Variants in GART observed in about 807,000 individuals in gnomAD.
The protein encoded by GART is phosphoribosylglycinamide formyltransferase, phosphoribosylglycinamide synthetase, phosphoribosylaminoimidazole synthetase.
Under a neutral mutation model 107.2 loss-of-function variants are expected in GART, and 43 were observed. The observed-to-expected ratio is 0.40, with a 90% CI of 0.31 to 0.52. The LOEUF (loss-of-function observed/expected upper bound fraction) is 0.52. GART is among the 20% of genes least tolerant of loss of function. The pLI, the probability that GART is intolerant of heterozygous loss-of-function variation, is 0.52. For synonymous variants in GART, 434 were observed against 427.0 expected, an observed-to-expected ratio of 1.02 and a Z score of -0.20; for missense variants, 1,107 against 1,206.5, an observed-to-expected ratio of 0.92 and a Z score of 1.22.
At chr21:33,515,992 A>G (rs1440342742) in intron 16 of GART, among the ~76,000 whole-genome samples, 2 of 152,098 alleles carry the variant, frequency 1.3e-5, no homozygotes, top group African/African-American at 2.4e-5. Flanking sequence ...TCATGCCTGT[A>G]ATCCCAGTAC....
intron 14 of GART, chr21:33,518,918 A>T (rs2084922858): frequency 6.0e-6 from 3 of 500,016 alleles, no homozygotes; most frequent in Non-Finnish European, 7.8e-6. Context: ...GCCCCAGAGA[A>T]ATGCTACCAG....
rs527760350 is a variant in GART at position 33,505,677 on chromosome 21, T to C, written c.2609A>G (p.Asn870Ser). 1.5e-4 allele frequency: 248 copies of C among 1,608,028 alleles called. 1 individual carries two copies. The highest frequency in any genetic ancestry group is 5.8e-4 in the South Asian group (52 of 89,736). ...TRVINHKLYKNRVEFDSAIDL... is the reference protein window; with the variant it reads ...TRVINHKLYKSRVEFDSAIDL... ...AATTGCACTGTCAAATTCTACACGA[T>C]TTTTATACAGTTTATGATTAATTAC... is the stretch of plus-strand genomic sequence containing the variant. The change falls in exon 20 of 22, where the codon AAT becomes AGT. Residue 870 changes from asparagine to serine, a missense_variant. Asn to Ser is a conservative substitution (Grantham distance 46, BLOSUM62 1). Coordinates refer to ENST00000381815, the MANE Select transcript of GART (RefSeq NM_000819.5).
rs1336134930 is a variant in GART, at chr21:33,539,346, GA to G, written c.-32del. On this transcript the variant is annotated 5_prime_UTR_variant, in exon 2 of 22. Transcript: ENST00000381815. ...TGTCTGTAAAGCAGAAATTCCAAAGGAAAATGAAACCTGCAGAAAGAAAACC... is the reference window on the plus strand; with the variant it reads ...TGTCTGTAAAGCAGAAATTCCAAAGGAAATGAAACCTGCAGAAAGAAAACC... 1.3e-6 allele frequency: 2 copies of G among 1,588,814 alleles called. No individual in the cohort carries two copies. Among genetic ancestry groups the G allele is most frequent in the Non-Finnish European group, 1.7e-6 (2 of 1,172,320 alleles).
chr21:33,519,853 G>A (rs1337783508), intron 14 of GART, among the ~76,000 whole-genome samples: 1 of 149,520 alleles, frequency 6.7e-6, no homozygotes, highest in Non-Finnish European at 1.5e-5. Flanking sequence ...AAAAAAAGAG[G>A]TTATTTTGTT....
intron 4 of GART, among the ~76,000 whole-genome samples, chr21:33,534,373 C>T (rs576888483): frequency 2.6e-5 from 4 of 151,900 alleles, no homozygotes; most frequent in East Asian, 3.9e-4. Flanking sequence ...CCATCATGCC[C>T]GGCTTTTTTT....
intron 2 of GART, 29 bp downstream of exon 2, chr21:33,539,142 T>C (rs1176278465): frequency 1.6e-5 from 25 of 1,597,084 alleles, no homozygotes; most frequent in Non-Finnish European, 2.1e-5. Context: ...AAATAATAAC[T>C]ATTACTCCCC....
intron 18 of GART, 77 bp from the exon 19 acceptor site, chr21:33,506,181 C>T (rs1478811702): frequency 1.5e-5 from 22 of 1,512,656 alleles, no homozygotes; most frequent in African/African-American, 1.1e-4. Flanking sequence ...CTCACTCTGT[C>T]GCCCAGGCTA....
intron 16 of GART, 51 bp from the exon 17 acceptor site, chr21:33,511,509 G>T: frequency 1.3e-6 from 2 of 1,525,388 alleles, no homozygotes; most frequent in Non-Finnish European, 1.8e-6. Context: ...CTCACACAAA[G>T]TACAAAAGTA....
At chr21:33,520,106 G>C (rs2084943127) in intron 14 of GART, among the ~76,000 whole-genome samples, 1 of 152,092 alleles carries the variant, frequency 6.6e-6, no homozygotes, top group African/African-American at 2.4e-5. Flanking sequence ...GCCAAAAATT[G>C]GGAAGAAAGA....
In GART at chr21:33,539,312, C is replaced by A. The variant is rs779778815; in HGVS notation, c.4G>T (p.Ala2Ser). The A allele has an allele frequency of 1.2e-6, 2 of 1,608,928 alleles. No homozygotes were observed. Among genetic ancestry groups the A allele is most frequent in the South Asian group, 1.1e-5 (1 of 90,084 alleles). The change falls in exon 2 of 22, where the codon GCA (alanine) becomes TCA (serine). Residue 2 changes from alanine to serine, a missense_variant. Coordinates refer to ENST00000381815, the MANE Select transcript of GART (RefSeq NM_000819.5). The part of the protein sequence containing the change: M[A>S]ARVLIIGSGG... ...CTGCCAATTATAAGTACTCGGGCTG[C>A]CATTGTTCTGTCTGTAAAGCAGAAA...
chr21:33,538,970 C>T (rs527664103), intron 2 of GART, among the ~76,000 whole-genome samples: 70 of 152,148 alleles, frequency 4.6e-4, no homozygotes, highest in African/African-American at 1.5e-3. Context: ...TTAGTAAAGA[C>T]GGGGTTTCAC....
At chr21:33,541,354 C>G (rs149655047) in intron 1 of GART, among the ~76,000 whole-genome samples, 3,236 of 152,270 alleles carry the variant, frequency 0.021, 116 homozygotes, top group African/African-American at 0.074. Context: ...ACTACGTTGG[C>G]CAGGCTGGTC....
At chr21:33,541,991 C>T (rs1427323512) in intron 1 of GART, 74 bp downstream of exon 1, 1 of 152,256 alleles carries the variant, frequency 6.6e-6, no homozygotes, top group Non-Finnish European at 1.5e-5. Flanking sequence ...TATGGTTTCA[C>T]TCAGTTCGCG....
Position 33,522,302 on chromosome 21 carries a change from T to A in GART, c.1299-20A>T. 1 of 1,507,910 alleles carries A rather than the reference T, an allele frequency of 6.6e-7. No homozygotes were observed. The highest frequency in any genetic ancestry group is 9.2e-7 in the Non-Finnish European group (1 of 1,083,864). 93.4% of individuals were successfully genotyped at this position (1,507,910 alleles called of 1,614,324 possible). On this transcript the variant is annotated intron_variant, in intron 11 of 21. Transcript: ENST00000381815. ...AAACTCCTAAAGAATTAAAAACAAG[T>A]CATCACCTAAACGTCAGGGAAAATT...
rs543861162 is a variant in GART at position 33,534,619 on chromosome 21, C to A, written c.376G>T (p.Ala126Ser). The change falls in exon 4 of 22, where the codon GCT (alanine) becomes TCT (serine). Residue 126 changes from alanine to serine, a missense_variant. Ala to Ser is a moderately conservative substitution (Grantham distance 99, BLOSUM62 1). Coordinates refer to ENST00000381815, the MANE Select transcript of GART (RefSeq NM_000819.5). ...RHGIPTAQWK[A>S]FTKPEEACSF... ...CAGGCTTCTTCAGGTTTGGTGAAAGCCTTCCATTGTGCGGTTGGGATTCCA... is the reference window on the plus strand; with the variant it reads ...CAGGCTTCTTCAGGTTTGGTGAAAGACTTCCATTGTGCGGTTGGGATTCCA... The A allele has an allele frequency of 2.4e-5, 38 of 1,614,198 alleles. No individual in the cohort carries two copies. In the South Asian group the frequency reaches 4.2e-4, roughly 18 times the overall value.
At position 33,534,757 on chromosome 21, in the gene GART, T is replaced by C. The variant is rs751524911; in HGVS notation, c.242-4A>G. 2.9e-5 allele frequency: 46 copies of C among 1,567,446 alleles called. No homozygotes were observed. Among genetic ancestry groups the C allele is most frequent in the African/African-American group, 1.4e-4 (10 of 72,714 alleles). ...GACCTCAGGTTCCCAACAATCCCTA[T>C]TGATGAAAACAGTAGCCTTAGGTGA... On this transcript the variant is annotated splice_region_variant and splice_polypyrimidine_tract_variant and intron_variant, in intron 3 of 21. Transcript: ENST00000381815.
At chr21:33,515,329 G>A (rs924486504) in intron 16 of GART, among the ~76,000 whole-genome samples, 1 of 152,112 alleles carries the variant, frequency 6.6e-6, no homozygotes, top group African/African-American at 2.4e-5. Flanking sequence ...AAGTTTCTCT[G>A]ACTTTATTTT....
At chr21:33,522,802 T>C (rs2084996893) in intron 11 of GART, among the ~76,000 whole-genome samples, 1 of 152,180 alleles carries the variant, frequency 6.6e-6, no homozygotes, top group Admixed American at 6.5e-5. Context: ...CCCCAGACCC[T>C]GGCAACCATC....
Position 33,511,924 on chromosome 21 carries a change from C to T in GART, c.2108-466G>A, listed in dbSNP as rs575849690. Among the ~76,000 whole-genome samples, 28 of 152,082 alleles carry T rather than the reference C, an allele frequency of 1.8e-4. No individual in the cohort carries two copies. In the South Asian group the frequency reaches 5.4e-3, roughly 29 times the overall value. ...ATGTTAATGGAAGGCGGATCAACAC[C>T]CTCTCCCTCTCATTCTTTTTAAAAT... On this transcript the variant is annotated intron_variant, in intron 16 of 21. Coordinates refer to ENST00000381815, the MANE Select transcript of GART (RefSeq NM_000819.5).
Sources: gnomAD v4.1 joint callset for allele counts (sites outside exome capture counted in the v4.1 genomes callset) on GRCh38, gnomAD v4.1.1 for gene constraint, MANE v1.5 for transcripts, NCBI Gene and HGNC (gene_info 2026-07-23, HGNC 2026-07-21) for gene names.